CELSR1: variants seen among roughly 807,000 people sequenced by gnomAD.
CELSR1 encodes adhesion G protein-coupled receptor C1.
Under a neutral mutation model 249.1 loss-of-function variants are expected in CELSR1, and 110 were observed. The observed-to-expected ratio is 0.44, with a 90% CI of 0.38 to 0.52. The LOEUF (loss-of-function observed/expected upper bound fraction) is 0.52, where lower values mean the gene tolerates loss of function less well. Among genes scored for constraint, CELSR1 ranks in the 20% least tolerant of loss-of-function variants. The pLI is 0.00. For synonymous variants in CELSR1, 2,113 were observed against 1,900.0 expected (o/e 1.11, Z -2.92); for missense variants, 4,109 against 4,296.4 (o/e 0.96, Z 1.22).
rs1190565843 is a variant in CELSR1 at position 46,390,750 on chromosome 22, A to G, written c.6251-264T>C. Among the ~76,000 whole-genome samples, 1 of 152,214 alleles carries G rather than the reference A, an allele frequency of 6.6e-6. No homozygotes were observed. Among genetic ancestry groups the G allele is most frequent in the African/African-American group, 2.4e-5 (1 of 41,456 alleles). On this transcript the variant is annotated intron_variant, in intron 16 of 34. Coordinates refer to ENST00000674500, the MANE Select transcript of CELSR1 (RefSeq NM_001378328.1). The surrounding 1 kb of genome is among the most constrained non-coding windows in gnomAD (Gnocchi z 6.3). ...GAGCAAGTCCGTGAGGAAAGAAATC[A>G]GCAACACCATCTGCCGGCAGCCACG...
chr22:46,478,545 A>AT (rs34932520), intron 1 of CELSR1, among the ~76,000 whole-genome samples: 4,023 of 143,338 alleles, frequency 0.028, 189 homozygotes, highest in African/African-American at 0.092. Flanking sequence ...AAAGATGAGA[A>AT]TTTTTTTTTT....
intron 1 of CELSR1, among the ~76,000 whole-genome samples, chr22:46,480,514 C>T (rs1773625408): frequency 6.6e-6 from 1 of 152,154 alleles, no homozygotes; most frequent in African/African-American, 2.4e-5. Flanking sequence ...ACCAGGAAAA[C>T]AAAGACACAG....
intron 23 of CELSR1, 190 bp from the exon 24 acceptor site, chr22:46,377,451 C>G (rs2078931594): frequency 3.2e-6 from 2 of 625,920 alleles, no homozygotes; most frequent in East Asian, 2.8e-5. Context: ...TCCTTCAATG[C>G]CCTGGGCCCT....
In CELSR1 at chr22:46,411,592, G is replaced by A; in HGVS notation, c.4769+10C>T. 1 of 1,614,004 alleles carries A rather than the reference G, an allele frequency of 6.2e-7. No individual in the cohort carries two copies. Among genetic ancestry groups the A allele is most frequent in the Non-Finnish European group, 8.5e-7 (1 of 1,179,984 alleles). On this transcript the variant is annotated intron_variant, in intron 6 of 34. Transcript: ENST00000674500. This position sits in a 1 kb window ranked among gnomAD's most constrained non-coding sequence, Gnocchi z 4.2. Reference sequence around the variant, plus strand: ...CGGACCCCCAGGGCCTCCCCTCCTGGGATGCTCACTTCTTGGAGCCGGTCT... The same window carrying A: ...CGGACCCCCAGGGCCTCCCCTCCTGAGATGCTCACTTCTTGGAGCCGGTCT...
Position 46,436,374 on chromosome 22 carries a change from G to T in CELSR1, c.4407-85C>A. On this transcript the variant is annotated intron_variant, in intron 3 of 34. Transcript: ENST00000674500. The surrounding 1 kb of genome is among the most constrained non-coding windows in gnomAD (Gnocchi z 5.9). ...AGGAATGACAAGTCCAGCCGGAGGA[G>T]GGCAAGCACGTGGGGCTACGATTCA... 1.1e-6 allele frequency: 1 copy of T among 928,798 alleles called. No individual in the cohort carries two copies. The highest frequency in any genetic ancestry group is 1.7e-6 in the Non-Finnish European group (1 of 582,498). 57.5% of individuals were successfully genotyped at this position (928,798 alleles called of 1,614,324 possible).
intron 5 of CELSR1, among the ~76,000 whole-genome samples, chr22:46,425,689 C>G (rs1233605352): frequency 3.1e-5 from 4 of 130,008 alleles, no homozygotes; most frequent in Non-Finnish European, 6.9e-5. Context: ...AGTTTTCCCC[C>G]GCTTTGAAAA....
Position 46,396,750 on chromosome 22 carries a change from C to A in CELSR1, c.5702-4G>T. 1 of 1,611,314 alleles carries A rather than the reference C, an allele frequency of 6.2e-7. No homozygotes were observed. Among genetic ancestry groups the A allele is most frequent in the Non-Finnish European group, 8.5e-7 (1 of 1,178,776 alleles). On this transcript the variant is annotated splice_polypyrimidine_tract_variant and splice_region_variant and intron_variant, in intron 12 of 34. Coordinates refer to ENST00000674500, the MANE Select transcript of CELSR1 (RefSeq NM_001378328.1). The surrounding 1 kb of genome is among the most constrained non-coding windows in gnomAD (Gnocchi z 6.4). Reference sequence around the variant, plus strand: ...ACACAGTTTATTCCAAGGTACCCTGCAAGGACAGAGCCAGCATTACCTCCA... The same window carrying A: ...ACACAGTTTATTCCAAGGTACCCTGAAAGGACAGAGCCAGCATTACCTCCA...
chr22:46,465,050 T>A (rs182498437), intron 1 of CELSR1, among the ~76,000 whole-genome samples: 126 of 151,756 alleles, frequency 8.3e-4, no homozygotes, highest in Non-Finnish European at 1.4e-3. Context: ...TACTTAGGAG[T>A]CTGAGGCCAA....
intron 1 of CELSR1, among the ~76,000 whole-genome samples, chr22:46,531,662 A>G (rs889096223): frequency 1.3e-5 from 2 of 152,216 alleles, no homozygotes; most frequent in Admixed American, 1.3e-4. Context: ...CTGGCTGTGC[A>G]GTCCTGAGAA....
At position 46,434,499 on chromosome 22, in the gene CELSR1, G is replaced by A. The variant is rs6007905; in HGVS notation, c.4523-1018C>T. Among the ~76,000 whole-genome samples, 9,595 of 152,294 alleles carry A rather than the reference G, an allele frequency of 0.063. 383 individuals are homozygous for A. The highest frequency in any genetic ancestry group is 0.12 in the African/African-American group (4,980 of 41,544). On this transcript the variant is annotated intron_variant, in intron 4 of 34. Coordinates refer to ENST00000674500, the MANE Select transcript of CELSR1 (RefSeq NM_001378328.1). The surrounding 1 kb of genome is among the most constrained non-coding windows in gnomAD (Gnocchi z 4.9). Reference sequence around the variant, plus strand: ...TAATCCCACCTCACAGAGCCCGGAGGGCTATGGCCACCTCTCCCATGGTGG... The same window carrying A: ...TAATCCCACCTCACAGAGCCCGGAGAGCTATGGCCACCTCTCCCATGGTGG...
At chr22:46,524,917 C>A (rs2080724290) in intron 1 of CELSR1, among the ~76,000 whole-genome samples, 1 of 152,152 alleles carries the variant, frequency 6.6e-6, no homozygotes, top group African/African-American at 2.4e-5. Flanking sequence ...CTGGGCCCTC[C>A]ACCTGGCAGG....
At chr22:46,368,914 C>T (rs575518841) in intron 27 of CELSR1, among the ~76,000 whole-genome samples, 55 of 152,172 alleles carry the variant, frequency 3.6e-4, no homozygotes, top group Non-Finnish European at 5.3e-4. Context: ...CTGTGCCAGG[C>T]GGGAGGGACT....
At position 46,412,912 on chromosome 22, in the gene CELSR1, C is replaced by T. The variant is rs1442867905; in HGVS notation, c.4612-1153G>A. On this transcript the variant is annotated intron_variant, in intron 5 of 34. Transcript: ENST00000674500. The surrounding 1 kb of genome is among the most constrained non-coding windows in gnomAD (Gnocchi z 4.5). ...GACGATGAGCCAGGAGATCGCCAGG[C>T]AAGTGCCACCATGCCCCACAATTGG... Among the ~76,000 whole-genome samples the T allele has an allele frequency of 6.6e-6, 1 of 152,230 alleles. No homozygotes were observed. The highest frequency in any genetic ancestry group is 1.5e-5 in the Non-Finnish European group (1 of 68,034).
intron 5 of CELSR1, among the ~76,000 whole-genome samples, chr22:46,426,815 C>T (rs542501640): frequency 7.9e-5 from 12 of 152,302 alleles, no homozygotes; most frequent in African/African-American, 2.6e-4. Flanking sequence ...ATGTGAGGAC[C>T]CCAGACGCTG....
chr22:46,490,530 G>GC lies in CELSR1; in HGVS notation c.3545-26186dup, dbSNP rs1036386885. On this transcript the variant is annotated intron_variant, in intron 1 of 34. Transcript: ENST00000674500. The surrounding 1 kb of genome is among the most constrained non-coding windows in gnomAD (Gnocchi z 5.2). ...TCGAACTCCTGACCGCAGGCGAGCC[G>GC]CCCCCCTCCGCCTCCCAAAATGTTG... is the stretch of plus-strand genomic sequence containing the variant. Among the ~76,000 whole-genome samples, 9 of 151,742 alleles carry GC rather than the reference G, an allele frequency of 5.9e-5. No homozygotes were observed. Among genetic ancestry groups the GC allele is most frequent in the African/African-American group, 2.2e-4 (9 of 41,238 alleles).
chr22:46,438,291 C>G (rs1191201730), intron 3 of CELSR1, among the ~76,000 whole-genome samples: 1 of 152,078 alleles, frequency 6.6e-6, no homozygotes, highest in Non-Finnish European at 1.5e-5. Context: ...GGACACTTGG[C>G]AAAGAGAAAC....
Position 46,399,826 on chromosome 22 carries a change from C to T in CELSR1, c.5303G>A (p.Arg1768Gln), listed in dbSNP as rs201891817. ...DVESVMLSGLRVTDGEWHHLL... is the reference protein window; with the variant it reads ...DVESVMLSGLQVTDGEWHHLL... Reference sequence around the variant, plus strand: ...GTGGTGCCACTCCCCGTCGGTCACCCGCAACCCGGACAGCATCACGGACTC... The same window carrying T: ...GTGGTGCCACTCCCCGTCGGTCACCTGCAACCCGGACAGCATCACGGACTC... Residue 1768 changes from arginine (R) to glutamine (Q), a missense_variant, in exon 10 of 35, where the codon CGG (arginine) becomes CAG (glutamine). Coordinates refer to ENST00000674500, the MANE Select transcript of CELSR1 (RefSeq NM_001378328.1). The surrounding 1 kb of genome is among the most constrained non-coding windows in gnomAD (Gnocchi z 5.0). The T allele has an allele frequency of 1.2e-4, 192 of 1,613,982 alleles. No individual in the cohort carries two copies. Among genetic ancestry groups the T allele is most frequent in the Non-Finnish European group, 1.5e-4 (172 of 1,180,000 alleles).
Position 46,390,501 on chromosome 22 carries a change from C to G in CELSR1, c.6251-15G>C, listed in dbSNP as rs763514288. 8.7e-6 allele frequency: 14 copies of G among 1,605,898 alleles called. No homozygotes were observed. The South Asian group carries it at 1.2e-4, about 14-fold the overall frequency. On this transcript the variant is annotated splice_polypyrimidine_tract_variant and intron_variant, in intron 16 of 34. Coordinates refer to ENST00000674500, the MANE Select transcript of CELSR1 (RefSeq NM_001378328.1). This position sits in a 1 kb window ranked among gnomAD's most constrained non-coding sequence, Gnocchi z 6.3. ...GACCGCATTTCCTGGGGAAGGAGAG[C>G]AGGTGTGCAAAGCCTGAAACTCAAA... is the stretch of plus-strand genomic sequence containing the variant.
Position 46,527,528 on chromosome 22 carries a change from G to A in CELSR1, c.3544+6099C>T, listed in dbSNP as rs551217434. Among the ~76,000 whole-genome samples the A allele has an allele frequency of 1.5e-4, 23 of 152,294 alleles. 1 individual carries two copies. The highest frequency in any genetic ancestry group is 3.8e-4 in the African/African-American group (16 of 41,568). On this transcript the variant is annotated intron_variant, in intron 1 of 34. Transcript: ENST00000674500. This position sits in a 1 kb window ranked among gnomAD's most constrained non-coding sequence, Gnocchi z 5.5. ...CACCTGGTGTCACCACTCTACCCCT[G>A]AGCTCAGCCCCCTTGCTCATCGGAT...
Sources: allele counts gnomAD v4.1 joint callset (sites outside exome capture counted in the v4.1 genomes callset), GRCh38; gene constraint gnomAD v4.1.1; non-coding constraint Gnocchi (gnomAD v3.1); transcripts MANE v1.5; gene names NCBI Gene and HGNC (gene_info 2026-07-23, HGNC 2026-07-21).